Variants in SEC11C observed in about 807,000 individuals in gnomAD.
SEC11C encodes SEC11 homolog C, signal peptidase complex subunit, also known as signal peptidase complex catalytic subunit SEC11C.
SEC11C carries 10 observed loss-of-function variants against 21.9 expected under a neutral mutation model. The observed-to-expected ratio is 0.46, with a 90% CI of 0.28 to 0.77. The LOEUF is 0.77. Ranked by LOEUF, SEC11C falls within the 30% of genes least tolerant of loss-of-function variation. SEC11C has a pLI of 0.12. For missense variants in SEC11C, 145 were observed against 244.5 expected, an observed-to-expected ratio of 0.59 and a Z score of 2.71; for synonymous variants, 83 against 85.6, an observed-to-expected ratio of 0.97 and a Z score of 0.17.
chr18:59,146,241 G>T (rs1238895212), intron 1 of SEC11C, among the ~76,000 whole-genome samples: 1 of 152,208 alleles, frequency 6.6e-6, no homozygotes, highest in Non-Finnish European at 1.5e-5. Flanking sequence ...GAATGGGTAG[G>T]GGGTGGCTCC....
Position 59,152,473 on chromosome 18 carries a change from G to A in SEC11C, c.198-63G>A, listed in dbSNP as rs570485392. 5.3e-6 allele frequency: 8 copies of A among 1,517,016 alleles called. No homozygotes were observed. The Admixed American group carries it at 9.2e-5, about 17-fold the overall frequency. The allele number at this position is 1,517,016 out of a possible 1,614,324, so 94.0% of individuals were successfully genotyped here. On this transcript the variant is annotated intron_variant, in intron 2 of 5. Coordinates refer to ENST00000587834, the MANE Select transcript of SEC11C (RefSeq NM_033280.4). ...GACTATTGAGTTTCACCTCTGACAT[G>A]TCTATTCTGATCGCCTTTTGGACAC...
At chr18:59,143,656 G>A (rs142960249) in intron 1 of SEC11C, among the ~76,000 whole-genome samples, 20 of 152,148 alleles carry the variant, frequency 1.3e-4, no homozygotes, top group African/African-American at 4.3e-4. Context: ...CTCTCTTAGC[G>A]TCTTGGGGCA....
chr18:59,144,906 C>T (rs1164191695), intron 1 of SEC11C, among the ~76,000 whole-genome samples: 1 of 151,762 alleles, frequency 6.6e-6, no homozygotes, highest in Non-Finnish European at 1.5e-5. Context: ...TAGTGTTTTT[C>T]TTATTGCTGA....
intron 3 of SEC11C, chr18:59,152,915 G>A: frequency 2.9e-6 from 1 of 345,814 alleles, no homozygotes; most frequent in Non-Finnish European, 5.2e-6. Context: ...GTTTACTAAA[G>A]CAATTCATAA....
intron 1 of SEC11C, among the ~76,000 whole-genome samples, chr18:59,144,506 G>C (rs973625527): frequency 3.9e-5 from 6 of 152,064 alleles, no homozygotes; most frequent in Admixed American, 3.3e-4. Context: ...GATTGCTTGA[G>C]GCTAGTATGT....
At chr18:59,145,394 G>T (rs1040226772) in intron 1 of SEC11C, among the ~76,000 whole-genome samples, 2 of 152,226 alleles carry the variant, frequency 1.3e-5, no homozygotes, top group Admixed American at 1.3e-4. Flanking sequence ...GCCAGTCAGG[G>T]CAGGGTTCTG....
At chr18:59,141,825 A>G (rs560081208) in intron 1 of SEC11C, among the ~76,000 whole-genome samples, 1 of 152,338 alleles carries the variant, frequency 6.6e-6, no homozygotes, top group African/African-American at 2.4e-5. Context: ...TTGTTTCTGC[A>G]GTGAGGAAGA....
At chr18:59,155,935 G>A (rs1331404292) in intron 4 of SEC11C, 128 bp downstream of exon 4, 1 of 1,109,174 alleles carries the variant, frequency 9.0e-7, no homozygotes, top group Non-Finnish European at 1.3e-6. Flanking sequence ...AGCAGTTCTA[G>A]TTTATCCTGT....
At chr18:59,142,576 G>A (rs1232140087) in intron 1 of SEC11C, among the ~76,000 whole-genome samples, 1 of 152,176 alleles carries the variant, frequency 6.6e-6, no homozygotes, top group Admixed American at 6.5e-5. Flanking sequence ...TTAGAGTGAC[G>A]TGACTTGTAA....
chr18:59,144,412 A>G (rs191963066), intron 1 of SEC11C, among the ~76,000 whole-genome samples: 18 of 152,290 alleles, frequency 1.2e-4, no homozygotes, highest in Admixed American at 1.1e-3. Flanking sequence ...ATTAACAACA[A>G]CAATAAAAAA....
chr18:59,156,086 C>T (rs2069415071), intron 4 of SEC11C: 1 of 262,916 alleles, frequency 3.8e-6, no homozygotes, highest in African/African-American at 2.3e-5. Context: ...ATCCCAGCAC[C>T]TTTGGGAGGC....
chr18:59,156,022 G>T, intron 4 of SEC11C: 1 of 443,622 alleles, frequency 2.3e-6, no homozygotes, highest in Admixed American at 4.1e-5. Context: ...CTATATGATG[G>T]GTTCAAATCT....
At chr18:59,148,775 G>A (rs1330718521) in intron 1 of SEC11C, among the ~76,000 whole-genome samples, 4 of 152,026 alleles carry the variant, frequency 2.6e-5, no homozygotes, top group South Asian at 2.1e-4. Context: ...CGCCACGCCC[G>A]GCTAATTTTC....
chr18:59,140,984 G>A (rs2069203795), intron 1 of SEC11C, among the ~76,000 whole-genome samples: 1 of 152,160 alleles, frequency 6.6e-6, no homozygotes, highest in Non-Finnish European at 1.5e-5. Context: ...ATTGTGCTAA[G>A]AAAAATGGGA....
At chr18:59,150,101 C>T (rs1374086845) in intron 2 of SEC11C, among the ~76,000 whole-genome samples, 1 of 151,950 alleles carries the variant, frequency 6.6e-6, no homozygotes, top group Non-Finnish European at 1.5e-5. Flanking sequence ...TATAAAAGTA[C>T]AGCATGTTTA....
At position 59,143,118 on chromosome 18, in the gene SEC11C, C is replaced by T. The variant is rs150084451; in HGVS notation, c.87+3083C>T. ...TTGTAATCCTAGCACTTTGGGAGGC[C>T]GAGGCGGGCAGATCATTTGAGGTCA... On this transcript the variant is annotated intron_variant, in intron 1 of 5. Coordinates refer to ENST00000587834, the MANE Select transcript of SEC11C (RefSeq NM_033280.4). Among the ~76,000 whole-genome samples the T allele has an allele frequency of 8.3e-3, 1,267 of 152,094 alleles. 10 individuals are homozygous for T. Among genetic ancestry groups the T allele is most frequent in the Non-Finnish European group, 0.011 (766 of 67,968 alleles).
chr18:59,146,199 A>G (rs1479161874), intron 1 of SEC11C, among the ~76,000 whole-genome samples: 1 of 152,198 alleles, frequency 6.6e-6, no homozygotes, highest in Non-Finnish European at 1.5e-5. Flanking sequence ...GACAAACTCC[A>G]GACGTGTTTG....
In SEC11C at chr18:59,143,855, C is replaced by CT. The variant is rs1555657597; in HGVS notation, c.87+3834dup. 3.6e-3 allele frequency among the ~76,000 whole-genome samples: 252 copies of CT among 70,142 alleles called. 1 individual carries two copies. In the East Asian group the frequency reaches 0.15, roughly 41 times the overall value. The allele number at this position is 70,142 out of a possible 152,430, so 46.0% of individuals were successfully genotyped here. A position where few individuals can be genotyped will look rare whatever the true frequency, so the allele number is the denominator to read the frequency against. On this transcript the variant is annotated intron_variant, in intron 1 of 5. Transcript: ENST00000587834. Reference sequence around the variant, plus strand: ...AAATAGTGGAGTAATCTGCCATTTTCTTTTTTTTTTTTTTGAGATGGAGTC... The same window carrying CT: ...AAATAGTGGAGTAATCTGCCATTTTCTTTTTTTTTTTTTTTGAGATGGAGTC...
chr18:59,141,059 T>A (rs780902337), intron 1 of SEC11C, among the ~76,000 whole-genome samples: 1 of 152,154 alleles, frequency 6.6e-6, no homozygotes, highest in Non-Finnish European at 1.5e-5. Flanking sequence ...TTTGATGGCA[T>A]CCAGTTTCAT....
Sources: allele counts gnomAD v4.1 joint callset (sites outside exome capture counted in the v4.1 genomes callset), GRCh38; gene constraint gnomAD v4.1.1; transcripts MANE v1.5; gene names NCBI Gene and HGNC (gene_info 2026-07-23, HGNC 2026-07-21).